The following FGGY variants were observed in gnomAD, a reference collection of about 807,000 sequenced individuals.
The protein encoded by FGGY is FGGY carbohydrate kinase domain-containing protein.
Under a neutral mutation model 71.3 loss-of-function variants are expected in FGGY, and 72 were observed. The ratio of observed to expected loss-of-function variants is 1.01; its 90% confidence interval spans 0.84 to 1.23. FGGY has a LOEUF of 1.23. Ranked by LOEUF, FGGY falls within the 50% of genes most tolerant of loss-of-function variation. The probability of loss-of-function intolerance (pLI) is 0.00; values close to 1 mark genes in which losing one functional copy is unlikely to be tolerated. For synonymous variants in FGGY, 251 were observed against 250.3 expected (o/e 1.00, Z -0.02); for missense variants, 668 against 682.3 (o/e 0.98, Z 0.23).
intron 2 of FGGY, among the ~76,000 whole-genome samples, chr1:59,327,934 A>G (rs1448752798): frequency 6.6e-6 from 1 of 152,238 alleles, no homozygotes; most frequent in South Asian, 2.1e-4. Flanking sequence ...GGGTTAAAAT[A>G]TTCAGTAAAC....
intron 5 of FGGY, among the ~76,000 whole-genome samples, chr1:59,393,773 A>G (rs999650175): frequency 6.6e-6 from 1 of 152,092 alleles, no homozygotes; most frequent in African/African-American, 2.4e-5. Context: ...TTTTTTGATG[A>G]TGGGAAAGAG....
chr1:59,415,241 A>G (rs898676191), intron 5 of FGGY, among the ~76,000 whole-genome samples: 1 of 152,250 alleles, frequency 6.6e-6, no homozygotes, highest in African/African-American at 2.4e-5. Flanking sequence ...GAAAAGGCTG[A>G]AAGAAGTTTT....
At chr1:59,628,294 T>G (rs1043202254) in intron 10 of FGGY, among the ~76,000 whole-genome samples, 9 of 152,190 alleles carry the variant, frequency 5.9e-5, no homozygotes, top group Admixed American at 3.9e-4. Flanking sequence ...GCCATGTTCT[T>G]GCCCAAAATG....
At chr1:59,326,721 T>TA (rs2047499578) in intron 2 of FGGY, among the ~76,000 whole-genome samples, 6 of 152,018 alleles carry the variant, frequency 3.9e-5, no homozygotes, top group South Asian at 2.1e-4. Context: ...GCATTTGAAG[T>TA]GTTTTTTTTT....
chr1:59,365,636 A>G (rs1220068538), intron 4 of FGGY, among the ~76,000 whole-genome samples: 1 of 152,160 alleles, frequency 6.6e-6, no homozygotes, highest in Non-Finnish European at 1.5e-5. Flanking sequence ...CTTTCCATTT[A>G]CCCGTTGTGT....
At chr1:59,623,387 T>G (rs1278825381) in intron 9 of FGGY, among the ~76,000 whole-genome samples, 1 of 152,198 alleles carries the variant, frequency 6.6e-6, no homozygotes, top group Admixed American at 6.6e-5. Context: ...TAATTTAACC[T>G]ACAGTAATCC....
intron 13 of FGGY, among the ~76,000 whole-genome samples, chr1:59,668,723 CT>C (rs1157781713): frequency 6.6e-6 from 1 of 152,142 alleles, no homozygotes. Context: ...TGGCTCACGC[CT>C]GTGATCCCCA....
chr1:59,730,657 A>G (rs1046338867), intron 14 of FGGY, among the ~76,000 whole-genome samples: 1 of 152,206 alleles, frequency 6.6e-6, no homozygotes, highest in Non-Finnish European at 1.5e-5. Context: ...TGGTGGACAT[A>G]CAACTAAAAT....
At chr1:59,303,453 A>G (rs999955495) in intron 1 of FGGY, among the ~76,000 whole-genome samples, 1 of 152,144 alleles carries the variant, frequency 6.6e-6, no homozygotes, top group Admixed American at 6.5e-5. Context: ...AGACTGAATA[A>G]TATTCCATTG....
At chr1:59,301,299 G>T (rs2042702043) in intron 1 of FGGY, among the ~76,000 whole-genome samples, 1 of 152,084 alleles carries the variant, frequency 6.6e-6, no homozygotes, top group Non-Finnish European at 1.5e-5. Flanking sequence ...CTGGTATATT[G>T]ATTGTGTATC....
intron 5 of FGGY, among the ~76,000 whole-genome samples, chr1:59,387,566 C>T (rs914507008): frequency 3.3e-4 from 50 of 151,916 alleles, no homozygotes; most frequent in Admixed American, 2.9e-3. Context: ...GTGTTTTCTT[C>T]AATTTTGGTG....
intron 6 of FGGY, among the ~76,000 whole-genome samples, chr1:59,505,207 A>G (rs2094346286): frequency 6.6e-6 from 1 of 152,260 alleles, no homozygotes; most frequent in Admixed American, 6.5e-5. Flanking sequence ...ACAAGATGGC[A>G]TAAGAAGAGG....
At chr1:59,493,634 G>C (rs756709523) in intron 6 of FGGY, among the ~76,000 whole-genome samples, 3 of 152,138 alleles carry the variant, frequency 2.0e-5, no homozygotes, top group Non-Finnish European at 4.4e-5. Context: ...GGGATTTGGG[G>C]GAAGGGGGAA....
chr1:59,654,033 A>G (rs2097195773), intron 11 of FGGY, among the ~76,000 whole-genome samples: 1 of 152,196 alleles, frequency 6.6e-6, no homozygotes, highest in Non-Finnish European at 1.5e-5. Context: ...CCTTTAAAGC[A>G]GGGCCTCAGT....
At chr1:59,334,091 C>T (rs1406238070) in intron 2 of FGGY, among the ~76,000 whole-genome samples, 2 of 152,128 alleles carry the variant, frequency 1.3e-5, no homozygotes, top group Admixed American at 6.6e-5. Context: ...GTTCCTTAAC[C>T]TCTCTGTGCC....
chr1:59,539,097 G>T (rs796131963), intron 7 of FGGY, among the ~76,000 whole-genome samples: 37 of 152,232 alleles, frequency 2.4e-4, no homozygotes, highest in African/African-American at 8.7e-4. Flanking sequence ...ATGCAGAAAG[G>T]TATAAAACAT....
At chr1:59,529,605 A>G (rs1271275727) in intron 7 of FGGY, among the ~76,000 whole-genome samples, 1 of 152,218 alleles carries the variant, frequency 6.6e-6, no homozygotes, top group African/African-American at 2.4e-5. Context: ...GGATTCCTGG[A>G]AGAAGAGGAT....
intron 13 of FGGY, among the ~76,000 whole-genome samples, chr1:59,669,259 C>T (rs905497937): frequency 2.0e-5 from 3 of 152,096 alleles, no homozygotes; most frequent in Non-Finnish European, 4.4e-5. Flanking sequence ...TGTGGTGTGT[C>T]GGGGCCCACC....
chr1:59,417,174 G>T (rs770569551), intron 5 of FGGY, among the ~76,000 whole-genome samples: 3 of 152,026 alleles, frequency 2.0e-5, no homozygotes, highest in Non-Finnish European at 2.9e-5. Flanking sequence ...TTTCTCTATG[G>T]ATTTTCCTGG....
Sources: allele counts gnomAD v4.1 joint callset (sites outside exome capture counted in the v4.1 genomes callset), GRCh38; gene constraint gnomAD v4.1.1; transcripts MANE v1.5; gene names NCBI Gene and HGNC (gene_info 2026-07-23, HGNC 2026-07-21).